IFFO2: variants seen among roughly 807,000 people sequenced by gnomAD.
The protein encoded by IFFO2 is intermediate filament family orphan 2.
Under a neutral mutation model 53.5 loss-of-function variants are expected in IFFO2, and 19 were observed. The observed-to-expected ratio is 0.36, with a 90% CI of 0.25 to 0.52. The LOEUF (loss-of-function observed/expected upper bound fraction) is 0.52, where lower values mean the gene tolerates loss of function less well. IFFO2 is among the 20% of genes least tolerant of loss of function. IFFO2 has a pLI of 0.94. For synonymous variants in IFFO2, 303 were observed against 313.6 expected (o/e 0.97, Z 0.36); for missense variants, 570 against 727.4 (o/e 0.78, Z 2.49).
chr1:18,912,414 T>C lies in IFFO2; in HGVS notation c.1104-331A>G, dbSNP rs16862362. Among the ~76,000 whole-genome samples the C allele has an allele frequency of 9.2e-3, 1,408 of 152,304 alleles. 24 individuals are homozygous for C. Among genetic ancestry groups the C allele is most frequent in the East Asian group, 0.056 (292 of 5,180 alleles). ...TCATTTAACAGCTATTTCTTGAGCC[T>C]CTAGTTTGAGTGAGATGTTCAATAT... On this transcript the variant is annotated intron_variant, in intron 5 of 8. Transcript: ENST00000455833.
chr1:18,941,925 T>G (rs1936527105), intron 1 of IFFO2, among the ~76,000 whole-genome samples: 1 of 152,184 alleles, frequency 6.6e-6, no homozygotes, highest in Non-Finnish European at 1.5e-5. Context: ...CACCCTGCAC[T>G]GGACACAGCC....
At chr1:18,949,364 G>A (rs1247168409) in intron 1 of IFFO2, among the ~76,000 whole-genome samples, 3 of 152,252 alleles carry the variant, frequency 2.0e-5, no homozygotes, top group African/African-American at 7.2e-5. Flanking sequence ...AACTCCGGGT[G>A]TGGGGGGCTG....
chr1:18,926,021 A>ATGGATGGATGGATGGATGGATGGATGGT, intron 1 of IFFO2, among the ~76,000 whole-genome samples: 1 of 132,742 alleles, frequency 7.5e-6, no homozygotes, highest in African/African-American at 2.9e-5. Context: ...GGATGGATGG[A>ATGGATGGATGGATGGATGGATGGATGGT]TGGATGGATG....
chr1:18,933,357 G>C (rs1408082739), intron 1 of IFFO2, among the ~76,000 whole-genome samples: 2 of 152,246 alleles, frequency 1.3e-5, no homozygotes, highest in African/African-American at 4.8e-5. Flanking sequence ...GTACCCAGGG[G>C]CACGAGAAAG....
At chr1:18,954,038 A>G (rs1044264229) in intron 1 of IFFO2, among the ~76,000 whole-genome samples, 1 of 152,226 alleles carries the variant, frequency 6.6e-6, no homozygotes, top group Non-Finnish European at 1.5e-5. Context: ...AATGACATTG[A>G]CCATGAGGGG....
Position 18,955,721 on chromosome 1 carries a change from C to A in IFFO2, c.612G>T (p.Ala204=), listed in dbSNP as rs745906577. The A allele has an allele frequency of 1.9e-6, 3 of 1,595,380 alleles. No homozygotes were observed. Among genetic ancestry groups the A allele is most frequent in the Admixed American group, 3.4e-5 (2 of 58,648 alleles). ...QIDTITPEIR[A]LYNVLAKVKR... ...TCACCTTGGCCAGCACGTTGTAGAG[C>A]GCGCGGATCTCCGGCGTGATGGTGT... The change falls in exon 1 of 9, where the codon GCG becomes GCT. Residue 204 remains alanine, a synonymous_variant. Coordinates refer to ENST00000455833, the MANE Select transcript of IFFO2 (RefSeq NM_001136265.2).
intron 1 of IFFO2, among the ~76,000 whole-genome samples, chr1:18,931,705 A>G (rs1936377601): frequency 1.3e-5 from 2 of 152,232 alleles, no homozygotes; most frequent in East Asian, 1.9e-4. Context: ...GCCGGATGTT[A>G]TCATTCCCAC....
intron 1 of IFFO2, among the ~76,000 whole-genome samples, chr1:18,938,835 G>A (rs1423369331): frequency 6.6e-6 from 1 of 152,196 alleles, no homozygotes; most frequent in Non-Finnish European, 1.5e-5. Context: ...GGCCCTCAAA[G>A]GCAGTAGGCA....
intron 5 of IFFO2, among the ~76,000 whole-genome samples, chr1:18,914,171 G>A (rs955077914): frequency 6.6e-6 from 1 of 152,272 alleles, no homozygotes. Context: ...CAGCTAAATC[G>A]AATTCCATAC....
intron 1 of IFFO2, among the ~76,000 whole-genome samples, chr1:18,953,467 C>T (rs887886695): frequency 1.3e-5 from 2 of 152,040 alleles, no homozygotes; most frequent in Non-Finnish European, 2.9e-5. Flanking sequence ...ACTGTATTAA[C>T]GTCTTAATGT....
intron 1 of IFFO2, among the ~76,000 whole-genome samples, chr1:18,922,968 G>T (rs922948153): frequency 9.2e-5 from 14 of 152,050 alleles, no homozygotes; most frequent in African/African-American, 3.1e-4. Flanking sequence ...GGAGCACAGG[G>T]CATCTGGGGC....
Position 18,956,098 on chromosome 1 carries a change from G to C in IFFO2, c.235C>G (p.Arg79Gly), listed in dbSNP as rs1250175217. 10 of 1,500,468 alleles carry C rather than the reference G, an allele frequency of 6.7e-6. No homozygotes were observed. Among genetic ancestry groups the C allele is most frequent in the African/African-American group, 1.4e-5 (1 of 70,068 alleles). 92.9% of individuals were successfully genotyped at this position (1,500,468 alleles called of 1,614,324 possible). ...AKVHELERRNRLLEKQLEQQQ... is the reference protein window; with the variant it reads ...AKVHELERRNGLLEKQLEQQQ... ...TGCTCCAGCTGCTTCTCCAGCAGCC[G>C]GTTGCGCCGCTCCAGCTCGTGCACC... The change falls in exon 1 of 9, where the codon CGG (arginine) becomes GGG (glycine). Residue 79 changes from arginine to glycine, a missense_variant. Physicochemically the swap from Arg to Gly is moderately radical, Grantham distance 125 (BLOSUM62 -2). Coordinates refer to ENST00000455833, the MANE Select transcript of IFFO2 (RefSeq NM_001136265.2). The surrounding 1 kb of genome is among the most constrained non-coding windows in gnomAD (Gnocchi z 6.4).
Position 18,933,103 on chromosome 1 carries a change from T to C in IFFO2, c.666-11982A>G, listed in dbSNP as rs572707559. Reference sequence around the variant, plus strand: ...AAGTGCTGGGGACACAGAAGTGGATTAAGAGTATTCTCTTCCTGCTGAGAG... The same window carrying C: ...AAGTGCTGGGGACACAGAAGTGGATCAAGAGTATTCTCTTCCTGCTGAGAG... On this transcript the variant is annotated intron_variant, in intron 1 of 8. Transcript: ENST00000455833. 2.6e-5 allele frequency among the ~76,000 whole-genome samples: 4 copies of C among 152,350 alleles called. No homozygotes were observed. The South Asian group carries it at 8.3e-4, about 32-fold the overall frequency.
rs1280573695 is a variant in IFFO2, at chr1:18,936,159, T to C, written c.666-15038A>G. Among the ~76,000 whole-genome samples the C allele has an allele frequency of 6.6e-6, 1 of 152,100 alleles. No individual in the cohort carries two copies. On this transcript the variant is annotated intron_variant, in intron 1 of 8. Transcript: ENST00000455833. This position sits in a 1 kb window ranked among gnomAD's most constrained non-coding sequence, Gnocchi z 4.5. ...CCAGGGCCTTCTCTAGGAGATCCAA[T>C]CTAGGCCAATGCAGCCCTGTCGCCT...
rs371709533 is a variant in IFFO2 at position 18,908,382 on chromosome 1, G to C, written c.*179C>G. 101 of 584,988 alleles carry C rather than the reference G, an allele frequency of 1.7e-4. No individual in the cohort carries two copies. In the East Asian group the frequency reaches 2.5e-3, roughly 14 times the overall value. The allele number at this position is 584,988 out of a possible 1,614,324, so 36.2% of individuals were successfully genotyped here. A position where few individuals can be genotyped will look rare whatever the true frequency, so the allele number is the denominator to read the frequency against. Reference sequence around the variant, plus strand: ...GGTGGGGGATGGAGACGGGGCACCCGTTGGTGGTGTGGAAGGAAGGAAGGA... The same window carrying C: ...GGTGGGGGATGGAGACGGGGCACCCCTTGGTGGTGTGGAAGGAAGGAAGGA... On this transcript the variant is annotated 3_prime_UTR_variant, in exon 9 of 9. Coordinates refer to ENST00000455833, the MANE Select transcript of IFFO2 (RefSeq NM_001136265.2).
chr1:18,921,050 A>G lies in IFFO2; in HGVS notation c.726+11T>C. 1.9e-6 allele frequency: 3 copies of G among 1,551,584 alleles called. No individual in the cohort carries two copies. Among genetic ancestry groups the G allele is most frequent in the Non-Finnish European group, 2.6e-6 (3 of 1,146,764 alleles). ...GTGCCTCTCCTGGTCGGGATATCGG[A>G]GGGCTCTTACCTCCTGCAGCGTGTC... On this transcript the variant is annotated intron_variant, in intron 2 of 8. Coordinates refer to ENST00000455833, the MANE Select transcript of IFFO2 (RefSeq NM_001136265.2).
intron 1 of IFFO2, among the ~76,000 whole-genome samples, chr1:18,945,571 C>A (rs1187389774): frequency 6.6e-6 from 1 of 152,252 alleles, no homozygotes. Context: ...GCTGCAGGGG[C>A]CTCTCTCCAT....
At position 18,947,462 on chromosome 1, in the gene IFFO2, G is replaced by A. The variant is rs780635230; in HGVS notation, c.665+8206C>T. 2.0e-5 allele frequency among the ~76,000 whole-genome samples: 3 copies of A among 152,222 alleles called. 1 individual carries two copies. The highest frequency in any genetic ancestry group is 6.5e-5 in the Admixed American group (1 of 15,292). On this transcript the variant is annotated intron_variant, in intron 1 of 8. Transcript: ENST00000455833. This position sits in a 1 kb window ranked among gnomAD's most constrained non-coding sequence, Gnocchi z 5.0. ...AAACTGAGGCTCACAGCAGGAAAGC[G>A]GCTTGCAATGGGCATGGCCCTTTCT... is the stretch of plus-strand genomic sequence containing the variant.
At chr1:18,910,978 T>G (rs1936026895) in intron 7 of IFFO2, among the ~76,000 whole-genome samples, 1 of 152,272 alleles carries the variant, frequency 6.6e-6, no homozygotes, top group Non-Finnish European at 1.5e-5. Context: ...CCGCAAGGCC[T>G]TGGGCAAGTC....
Sources: allele counts gnomAD v4.1 joint callset (sites outside exome capture counted in the v4.1 genomes callset), GRCh38; gene constraint gnomAD v4.1.1; non-coding constraint Gnocchi (gnomAD v3.1); transcripts MANE v1.5; gene names NCBI Gene and HGNC (gene_info 2026-07-23, HGNC 2026-07-21).